FBXO11: variants seen among roughly 807,000 people sequenced by gnomAD.
FBXO11 encodes F-box only protein 11.
Under a neutral mutation model 117.0 loss-of-function variants are expected in FBXO11, and 13 were observed. The observed-to-expected ratio is 0.11, with a 90% CI of 0.07 to 0.18. The LOEUF is 0.18. Among genes scored for constraint, FBXO11 ranks in the 10% least tolerant of loss-of-function variants. The pLI is 1.00. For missense variants in FBXO11, 767 were observed against 1,164.4 expected, an observed-to-expected ratio of 0.66 and a Z score of 4.97; for synonymous variants, 490 against 380.5, an observed-to-expected ratio of 1.29 and a Z score of -3.35.
At chr2:47,868,971 T>C (rs915140918) in intron 1 of FBXO11, among the ~76,000 whole-genome samples, 9 of 152,362 alleles carry the variant, frequency 5.9e-5, no homozygotes, top group African/African-American at 1.9e-4. Flanking sequence ...CCCAGCATCC[T>C]GAAGCAGCTG....
intron 1 of FBXO11, among the ~76,000 whole-genome samples, chr2:47,865,125 T>A (rs1029763297): frequency 6.6e-6 from 1 of 152,218 alleles, no homozygotes; most frequent in African/African-American, 2.4e-5. Context: ...TAATAAGTGC[T>A]CAATAAATAC....
intron 11 of FBXO11, among the ~76,000 whole-genome samples, chr2:47,827,396 T>C (rs1293087056): frequency 6.6e-6 from 1 of 152,178 alleles, no homozygotes; most frequent in Non-Finnish European, 1.5e-5. Flanking sequence ...AACCTCTACC[T>C]CCTGGGTTCA....
intron 1 of FBXO11, among the ~76,000 whole-genome samples, chr2:47,855,609 T>C (rs184121777): frequency 6.6e-6 from 1 of 152,240 alleles, no homozygotes; most frequent in East Asian, 1.9e-4. Flanking sequence ...CAGAGTGGGC[T>C]GATCACCTGA....
chr2:47,885,661 C>T (rs763779450), intron 1 of FBXO11, among the ~76,000 whole-genome samples: 13 of 152,138 alleles, frequency 8.5e-5, no homozygotes, highest in Non-Finnish European at 1.3e-4. Flanking sequence ...GCATACAAGA[C>T]TTGGAAAAGA....
rs149786350 is a variant in FBXO11, at chr2:47,852,318, C to T, written c.233-12549G>A. ...AACCATTTTATTGAAAGAAGAAAAACGGACCTCACCAGAGAGAGAAAAGGA... is the reference window on the plus strand; with the variant it reads ...AACCATTTTATTGAAAGAAGAAAAATGGACCTCACCAGAGAGAGAAAAGGA... On this transcript the variant is annotated intron_variant, in intron 1 of 22. Coordinates refer to ENST00000403359, the MANE Select transcript of FBXO11 (RefSeq NM_001190274.2). 7.8e-4 allele frequency among the ~76,000 whole-genome samples: 118 copies of T among 152,178 alleles called. 2 individuals carry two copies. The East Asian group carries it at 0.021, about 27-fold the overall frequency.
At chr2:47,839,353 T>C (rs1395310568) in intron 3 of FBXO11, 66 bp downstream of exon 3, 10 of 1,428,796 alleles carry the variant, frequency 7.0e-6, no homozygotes, top group Non-Finnish European at 9.7e-6. Flanking sequence ...AATTTTCATT[T>C]TTTGGTATCA....
chr2:47,810,653 C>T (rs1051085827), intron 18 of FBXO11: 3 of 418,426 alleles, frequency 7.2e-6, no homozygotes, highest in Non-Finnish European at 8.5e-6. Flanking sequence ...CTGCCATCTC[C>T]ATGATAGCAG....
rs546027205 is a variant in FBXO11, at chr2:47,842,126, C to T, written c.233-2357G>A. On this transcript the variant is annotated intron_variant, in intron 1 of 22. Coordinates refer to ENST00000403359, the MANE Select transcript of FBXO11 (RefSeq NM_001190274.2). ...CGTCTCCTGGGTTCAAGCCATTCTC[C>T]GGCCTCAGCCTCCCGAGTAGCTGGG... 1.7e-4 allele frequency among the ~76,000 whole-genome samples: 26 copies of T among 151,858 alleles called. No individual in the cohort carries two copies. The East Asian group carries it at 1.7e-3, about 10-fold the overall frequency.
intron 19 of FBXO11, 177 bp downstream of exon 19, chr2:47,810,139 T>TA (rs1670515531): frequency 5.4e-6 from 3 of 550,766 alleles, no homozygotes; most frequent in African/African-American, 1.9e-5. Flanking sequence ...GAGTCTGGCT[T>TA]AGAGTAGAAG....
chr2:47,897,563 G>T (rs2104025664), intron 1 of FBXO11, among the ~76,000 whole-genome samples: 1 of 152,180 alleles, frequency 6.6e-6, no homozygotes, highest in African/African-American at 2.4e-5. Context: ...CAGGCATGGT[G>T]GTGTGCACCT....
rs772726905 is a variant in FBXO11, at chr2:47,854,256, C to CT, written c.233-14488dup. Among the ~76,000 whole-genome samples, 177 of 142,956 alleles carry CT rather than the reference C, an allele frequency of 1.2e-3. 1 individual carries two copies. Among genetic ancestry groups the CT allele is most frequent in the African/African-American group, 1.1e-3 (45 of 39,230 alleles). The allele number at this position is 142,956 out of a possible 152,430, so 93.8% of individuals were successfully genotyped here. A position where few individuals can be genotyped will look rare whatever the true frequency, so the allele number is the denominator to read the frequency against. ...TCTGTCACCCAGGCTGTCCCCAGGA[C>CT]TTTTTTTTTTTTTTAAACCTACCTA... On this transcript the variant is annotated intron_variant, in intron 1 of 22. Transcript: ENST00000403359.
At chr2:47,840,106 G>A (rs1296798581) in intron 1 of FBXO11, among the ~76,000 whole-genome samples, 2 of 151,992 alleles carry the variant, frequency 1.3e-5, no homozygotes, top group East Asian at 3.9e-4. Flanking sequence ...ACCACGCCCA[G>A]CTAATTTTTT....
At chr2:47,849,383 A>T (rs1673670620) in intron 1 of FBXO11, among the ~76,000 whole-genome samples, 1 of 152,228 alleles carries the variant, frequency 6.6e-6, no homozygotes, top group African/African-American at 2.4e-5. Flanking sequence ...TAATGTATTC[A>T]GTTATTAACA....
intron 1 of FBXO11, among the ~76,000 whole-genome samples, chr2:47,885,726 C>A (rs1056507164): frequency 6.6e-6 from 1 of 152,090 alleles, no homozygotes; most frequent in Admixed American, 6.5e-5. Context: ...TTCCTCTTCC[C>A]CCCACCAAAA....
intron 1 of FBXO11, among the ~76,000 whole-genome samples, chr2:47,846,583 A>AAT (rs143933759): frequency 0.071 from 10,870 of 152,240 alleles, 546 homozygotes; most frequent in Non-Finnish European, 0.11. Context: ...AAAAATGTTC[A>AAT]ATTTTAACTA....
In FBXO11 at chr2:47,818,870, A is replaced by AT; in HGVS notation, c.1921-7dup. 8.3e-6 allele frequency: 13 copies of AT among 1,569,756 alleles called. No individual in the cohort carries two copies. The highest frequency in any genetic ancestry group is 1.2e-5 in the South Asian group (1 of 84,238). ...TCATAAAAATAAACACCAACCTAAA[A>AT]TTTAAAAAAAAAAAAAAAGCTTTTT... On this transcript the variant is annotated splice_region_variant and splice_polypyrimidine_tract_variant and intron_variant, in intron 15 of 22. Coordinates refer to ENST00000403359, the MANE Select transcript of FBXO11 (RefSeq NM_001190274.2).
At position 47,901,128 on chromosome 2, in the gene FBXO11, C is replaced by CATATATACATAT. The variant is rs1262333844; in HGVS notation, c.232+4360_232+4361insATATGTATATAT. On this transcript the variant is annotated intron_variant, in intron 1 of 22. Transcript: ENST00000403359. ...ATGTATATATGTACACACGTGTGTA[C>CATATATACATAT]ATGTATATATATACACACGTGTGTA... Among the ~76,000 whole-genome samples the CATATATACATAT allele has an allele frequency of 4.7e-5, 4 of 84,502 alleles. 1 individual carries two copies. The highest frequency in any genetic ancestry group is 8.9e-5 in the Non-Finnish European group (4 of 45,070). 55.4% of individuals were successfully genotyped at this position (84,502 alleles called of 152,430 possible). A position where few individuals can be genotyped will look rare whatever the true frequency, so the allele number is the denominator to read the frequency against.
At position 47,862,613 on chromosome 2, in the gene FBXO11, G is replaced by A. The variant is rs866477304; in HGVS notation, c.233-22844C>T. ...AGGGCAAATGTTTAATCATAAAAAT[G>A]TAAGTGCAAATCTCAAAATATGCAC... On this transcript the variant is annotated intron_variant, in intron 1 of 22. Coordinates refer to ENST00000403359, the MANE Select transcript of FBXO11 (RefSeq NM_001190274.2). Among the ~76,000 whole-genome samples, 8 of 152,284 alleles carry A rather than the reference G, an allele frequency of 5.3e-5. No homozygotes were observed. The South Asian group carries it at 8.3e-4, about 16-fold the overall frequency.
chr2:47,853,074 A>T (rs1434911156), intron 1 of FBXO11, among the ~76,000 whole-genome samples: 3 of 151,256 alleles, frequency 2.0e-5, no homozygotes, highest in African/African-American at 7.4e-5. Flanking sequence ...TAATTTGAAG[A>T]ATTTTTTTTT....
Sources: gnomAD v4.1 joint callset for allele counts (sites outside exome capture counted in the v4.1 genomes callset) on GRCh38, gnomAD v4.1.1 for gene constraint, MANE v1.5 for transcripts, NCBI Gene and HGNC (gene_info 2026-07-23, HGNC 2026-07-21) for gene names.